The following SEMA6D variants were observed in gnomAD, a reference collection of about 807,000 sequenced individuals.
SEMA6D encodes the protein semaphorin-6D.
SEMA6D carries 35 observed loss-of-function variants against 106.6 expected under a neutral mutation model. The observed-to-expected ratio is 0.33, with a 90% CI of 0.25 to 0.44. The LOEUF (loss-of-function observed/expected upper bound fraction) is 0.44, where lower values mean the gene tolerates loss of function less well. Among genes scored for constraint, SEMA6D ranks in the 20% least tolerant of loss-of-function variants. The probability of loss-of-function intolerance (pLI) is 1.00; values close to 1 mark genes in which losing one functional copy is unlikely to be tolerated. For synonymous variants in SEMA6D, 499 were observed against 487.7 expected, an observed-to-expected ratio of 1.02 and a Z score of -0.31; for missense variants, 1,185 against 1,345.9, an observed-to-expected ratio of 0.88 and a Z score of 1.87.
intron 1 of SEMA6D, among the ~76,000 whole-genome samples, chr15:47,286,906 G>A (rs1885180546): frequency 6.6e-6 from 1 of 152,086 alleles, no homozygotes; most frequent in African/African-American, 2.4e-5. Flanking sequence ...AGAGATTTAA[G>A]CCACCTGTTT....
intron 3 of SEMA6D, among the ~76,000 whole-genome samples, chr15:47,585,394 C>T (rs559783254): frequency 2.0e-5 from 3 of 152,226 alleles, no homozygotes; most frequent in Admixed American, 6.5e-5. Flanking sequence ...ATCTGTAAAT[C>T]GGATTTGTCA....
intron 1 of SEMA6D, among the ~76,000 whole-genome samples, chr15:47,278,059 G>A (rs1321760304): frequency 6.6e-6 from 1 of 151,708 alleles, no homozygotes; most frequent in African/African-American, 2.4e-5. Flanking sequence ...TGTGAATAAT[G>A]CCACAATAAA....
chr15:47,474,868 C>T (rs1429378654), intron 3 of SEMA6D, among the ~76,000 whole-genome samples: 1 of 152,162 alleles, frequency 6.6e-6, no homozygotes, highest in Non-Finnish European at 1.5e-5. Flanking sequence ...TGAAAGCTCT[C>T]ATGCAATGCT....
intron 4 of SEMA6D, among the ~76,000 whole-genome samples, chr15:47,711,105 CGAGA>C (rs1178719625): frequency 6.6e-6 from 1 of 151,586 alleles, no homozygotes; most frequent in Non-Finnish European, 1.5e-5. Context: ...GTCAGGAGAT[CGAGA>C]CCATCCCGGC....
chr15:47,240,444 C>A (rs2032833802), intron 1 of SEMA6D, among the ~76,000 whole-genome samples: 1 of 152,110 alleles, frequency 6.6e-6, no homozygotes, highest in Non-Finnish European at 1.5e-5. Flanking sequence ...TAATACAATA[C>A]CTCTGGTTGC....
At chr15:47,455,532 T>C (rs2042321575) in intron 2 of SEMA6D, among the ~76,000 whole-genome samples, 1 of 151,886 alleles carries the variant, frequency 6.6e-6, no homozygotes, top group Non-Finnish European at 1.5e-5. Context: ...TCTCTGTCAC[T>C]AGTCAACTCT....
At chr15:47,761,083 C>G (rs746895205) in intron 4 of SEMA6D, 45 bp downstream of exon 4, 2 of 1,611,534 alleles carry the variant, frequency 1.2e-6, no homozygotes, top group South Asian at 1.1e-5. Flanking sequence ...CCCTCTGAAC[C>G]TGATTAATTT....
chr15:47,559,954 C>T (rs2046029105), intron 3 of SEMA6D, among the ~76,000 whole-genome samples: 1 of 151,952 alleles, frequency 6.6e-6, no homozygotes, highest in African/African-American at 2.4e-5. Flanking sequence ...GAGATGATCC[C>T]TAGGAAGTTA....
chr15:47,485,959 A>G (rs527557200), intron 3 of SEMA6D, among the ~76,000 whole-genome samples: 3 of 152,340 alleles, frequency 2.0e-5, no homozygotes, highest in Admixed American at 1.3e-4. Flanking sequence ...TGAAAGGACA[A>G]GATGTCCAGA....
chr15:47,302,864 G>A (rs762083659), intron 1 of SEMA6D, among the ~76,000 whole-genome samples: 10 of 152,180 alleles, frequency 6.6e-5, no homozygotes, highest in Non-Finnish European at 1.3e-4. Context: ...GAACTACAGA[G>A]CTGTAAGAGA....
chr15:47,268,002 C>G (rs1291706096), intron 1 of SEMA6D, among the ~76,000 whole-genome samples: 2 of 152,096 alleles, frequency 1.3e-5, no homozygotes, highest in East Asian at 3.9e-4. Context: ...ATAGTGCAGT[C>G]TTCAAACCAG....
intron 1 of SEMA6D, among the ~76,000 whole-genome samples, chr15:47,219,225 T>A (rs1200516358): frequency 1.3e-5 from 2 of 152,202 alleles, no homozygotes; most frequent in Non-Finnish European, 2.9e-5. Flanking sequence ...AGAAGCTGGA[T>A]GGAGTTGGGA....
At chr15:47,250,328 A>AAG (rs1203380728) in intron 1 of SEMA6D, among the ~76,000 whole-genome samples, 12 of 150,998 alleles carry the variant, frequency 7.9e-5, no homozygotes, top group Admixed American at 1.3e-4. Context: ...AGAGCATTAA[A>AAG]AGAGAGAGAG....
chr15:47,735,934 C>CT (rs1489989466), intron 1 of SEMA6D, among the ~76,000 whole-genome samples: 1 of 152,136 alleles, frequency 6.6e-6, no homozygotes, highest in Non-Finnish European at 1.5e-5. Flanking sequence ...AATGCAGATT[C>CT]TTTTAAACAA....
chr15:47,766,476 T>G (rs918622506), intron 15 of SEMA6D, 140 bp from the exon 16 acceptor site: 1 of 726,400 alleles, frequency 1.4e-6, no homozygotes, highest in Non-Finnish European at 2.3e-6. Context: ...TTTAGCAAGT[T>G]ATGTTAAAAT....
At chr15:47,484,184 T>G (rs956090461) in intron 3 of SEMA6D, among the ~76,000 whole-genome samples, 4 of 152,170 alleles carry the variant, frequency 2.6e-5, no homozygotes, top group Non-Finnish European at 5.9e-5. Flanking sequence ...ATTCTAAGCA[T>G]ACTGTGGCAG....
At chr15:47,574,621 A>G (rs1240552544) in intron 3 of SEMA6D, among the ~76,000 whole-genome samples, 1 of 152,210 alleles carries the variant, frequency 6.6e-6, no homozygotes, top group Non-Finnish European at 1.5e-5. Context: ...AAGAACAGTT[A>G]TCTTTTGAGA....
chr15:47,208,093 C>T (rs1895232728), intron 1 of SEMA6D, among the ~76,000 whole-genome samples: 2 of 148,702 alleles, frequency 1.3e-5, no homozygotes, highest in African/African-American at 5.0e-5. Flanking sequence ...GTCAGATTAC[C>T]CAGGTTTAAA....
intron 2 of SEMA6D, 149 bp from the exon 3 acceptor site, chr15:47,760,155 A>T: frequency 1.5e-6 from 1 of 650,124 alleles, no homozygotes. Context: ...GCTGACATTC[A>T]CTGCCTTTTA....
Sources: allele counts gnomAD v4.1 joint callset (sites outside exome capture counted in the v4.1 genomes callset), GRCh38; gene constraint gnomAD v4.1.1; transcripts MANE v1.5; gene names NCBI Gene and HGNC (gene_info 2026-07-23, HGNC 2026-07-21).